Variants in ANK1 observed in about 807,000 individuals in gnomAD.
ANK1 encodes ankyrin-1.
ANK1 carries 51 observed loss-of-function variants against 210.4 expected under a neutral mutation model. That is an observed-to-expected ratio of 0.24 (90% confidence interval 0.19 to 0.31). ANK1 has a LOEUF of 0.31. ANK1 is among the 10% of genes least tolerant of loss of function. ANK1 has a pLI of 1.00. For missense variants in ANK1, 2,051 were observed against 2,504.4 expected, an observed-to-expected ratio of 0.82 and a Z score of 3.86; for synonymous variants, 967 against 1,025.9, an observed-to-expected ratio of 0.94 and a Z score of 1.10.
At chr8:41,824,964 C>A (rs953243243) in intron 1 of ANK1, among the ~76,000 whole-genome samples, 16 of 152,222 alleles carry the variant, frequency 1.1e-4, no homozygotes, top group African/African-American at 3.6e-4. Flanking sequence ...CATTTCTTGC[C>A]TTCCACTGGT....
At chr8:41,738,044 C>A (rs1833866709) in intron 2 of ANK1, among the ~76,000 whole-genome samples, 1 of 152,098 alleles carries the variant, frequency 6.6e-6, no homozygotes, top group African/African-American at 2.4e-5. Flanking sequence ...GTGAAAAAAG[C>A]CCCAAACAGC....
At chr8:41,716,194 CA>C (rs1197963799) in intron 13 of ANK1, among the ~76,000 whole-genome samples, 3 of 152,150 alleles carry the variant, frequency 2.0e-5, no homozygotes, top group African/African-American at 4.8e-5. Flanking sequence ...GCGTTTGGTG[CA>C]TAAAAGGCAC....
chr8:41,714,582 C>T (rs899437007), intron 15 of ANK1, among the ~76,000 whole-genome samples: 3 of 152,130 alleles, frequency 2.0e-5, no homozygotes, highest in Non-Finnish European at 4.4e-5. Context: ...ATAAACAGGC[C>T]GGGTGCAGTG....
At chr8:41,769,977 C>CTT (rs59542968) in intron 1 of ANK1, among the ~76,000 whole-genome samples, 1,641 of 86,654 alleles carry the variant, frequency 0.019, 94 homozygotes, top group African/African-American at 0.04. Context: ...TTTCTTTTTT[C>CTT]TTTTTTTTTT....
chr8:41,801,744 T>G (rs907944428), upstream of ANK1, among the ~76,000 whole-genome samples: 2 of 152,248 alleles, frequency 1.3e-5, no homozygotes, highest in African/African-American at 4.8e-5. Context: ...GGAGGAGTTC[T>G]CTGCAGTCTG....
At chr8:41,673,442 CA>C (rs1303079393) in intron 37 of ANK1, among the ~76,000 whole-genome samples, 1 of 152,198 alleles carries the variant, frequency 6.6e-6, no homozygotes. Flanking sequence ...AGGGGCCTAT[CA>C]GGGTACACTA....
At chr8:41,663,897 GCCAGGGCTC>G in intron 39 of ANK1, 155 bp from the exon 40 acceptor site, 1 of 713,080 alleles carries the variant, frequency 1.4e-6, no homozygotes, top group Non-Finnish European at 2.5e-6. Context: ...CAGGAGCCAT[GCCAGGGCTC>G]CCAGGGCGTG....
chr8:41,673,044 G>A, intron 37 of ANK1, 132 bp from the exon 38 acceptor site: 1 of 991,728 alleles, frequency 1.0e-6, no homozygotes, highest in African/African-American at 1.6e-5. Context: ...ATTCGGGGTG[G>A]GTTGGGGGCT....
intron 1 of ANK1, among the ~76,000 whole-genome samples, chr8:41,812,203 G>A (rs1010140413): frequency 6.6e-6 from 1 of 152,026 alleles, no homozygotes; most frequent in Admixed American, 6.5e-5. Context: ...TTGTCTGCAG[G>A]GGAGCAAAAA....
In ANK1 at chr8:41,715,696, G is replaced by C; in HGVS notation, c.1558C>G (p.Leu520Val). ...AAREGHVETVLALLEKEASQA... is the reference protein window; with the variant it reads ...AAREGHVETVVALLEKEASQA... ...GATGCTTCCTTTTCCAGAAGGGCCA[G>C]GACTGTTTCCACATGGCCCTCACGG... Residue 520 changes from leucine (L) to valine (V), a missense_variant, in exon 14 of 43, where the codon CTG (leucine) becomes GTG (valine). By Grantham distance (32) the Leu-to-Val change is conservative (BLOSUM62 1). Coordinates refer to ENST00000289734, the MANE Select transcript of ANK1 (RefSeq NM_000037.4). 1 of 1,614,044 alleles carries C rather than the reference G, an allele frequency of 6.2e-7. No individual in the cohort carries two copies. Among genetic ancestry groups the C allele is most frequent in the African/African-American group, 1.3e-5 (1 of 75,048 alleles).
intron 2 of ANK1, among the ~76,000 whole-genome samples, chr8:41,741,966 T>C (rs1009722662): frequency 7.2e-5 from 11 of 152,244 alleles, no homozygotes; most frequent in Non-Finnish European, 1.5e-4. Flanking sequence ...CCTAGAGCTG[T>C]GCACCTGCCT....
chr8:41,711,352 C>G (rs991862201), intron 16 of ANK1, among the ~76,000 whole-genome samples: 5 of 152,232 alleles, frequency 3.3e-5, no homozygotes, highest in African/African-American at 1.2e-4. Context: ...GAATTCCCAG[C>G]CACGAAGGAA....
At chr8:41,668,090 A>G (rs1036501296) in intron 39 of ANK1, among the ~76,000 whole-genome samples, 177 bp downstream of exon 39, 1 of 152,238 alleles carries the variant, frequency 6.6e-6, no homozygotes, top group African/African-American at 2.4e-5. Context: ...GGGATCCAGG[A>G]GGCAGAAAGG....
At chr8:41,723,671 C>T in intron 7 of ANK1, 38 bp from the exon 8 acceptor site, 2 of 1,594,460 alleles carry the variant, frequency 1.3e-6, no homozygotes, top group South Asian at 1.1e-5. Flanking sequence ...GCGCGTCATC[C>T]TTCCCTGGAA....
intron 37 of ANK1, among the ~76,000 whole-genome samples, chr8:41,681,487 G>A (rs898547725): frequency 6.6e-6 from 1 of 152,260 alleles, no homozygotes; most frequent in East Asian, 1.9e-4. Flanking sequence ...GAGCTATGAA[G>A]GGAGAGACAG....
chr8:41,893,920 T>G (rs1274922348), intron 1 of ANK1, among the ~76,000 whole-genome samples: 6 of 152,190 alleles, frequency 3.9e-5, no homozygotes, highest in African/African-American at 1.4e-4. Context: ...AACCTTTGAG[T>G]TAGCCCTAGG....
intron 2 of ANK1, among the ~76,000 whole-genome samples, chr8:41,734,926 C>T (rs1392219274): frequency 6.6e-6 from 1 of 152,120 alleles, no homozygotes; most frequent in Non-Finnish European, 1.5e-5. Context: ...TAAAATAGCC[C>T]CTTTGCCATC....
At chr8:41,893,603 G>A (rs1253947500) in intron 1 of ANK1, among the ~76,000 whole-genome samples, 1 of 152,206 alleles carries the variant, frequency 6.6e-6, no homozygotes, top group Non-Finnish European at 1.5e-5. Context: ...GGAGGGATGC[G>A]GTTCTGCTCA....
chr8:41,860,330 T>C (rs961086048), intron 1 of ANK1, among the ~76,000 whole-genome samples: 2 of 152,206 alleles, frequency 1.3e-5, no homozygotes, highest in African/African-American at 4.8e-5. Flanking sequence ...CAGATTCCAC[T>C]GCTGGGATTC....
Sources: gnomAD v4.1 joint callset for allele counts (sites outside exome capture counted in the v4.1 genomes callset) on GRCh38, gnomAD v4.1.1 for gene constraint, MANE v1.5 for transcripts, NCBI Gene and HGNC (gene_info 2026-07-23, HGNC 2026-07-21) for gene names.